The following DNM3 variants were observed in gnomAD, a reference collection of about 807,000 sequenced individuals.
DNM3 encodes the protein dynamin-3.
Under a neutral mutation model 101.6 loss-of-function variants are expected in DNM3, and 47 were observed. The observed-to-expected ratio is 0.46, with a 90% confidence interval of 0.37 to 0.59. The LOEUF is 0.59. Among genes scored for constraint, DNM3 ranks in the 20% least tolerant of loss-of-function variants. DNM3 has a pLI of 0.00. For missense variants in DNM3, 849 were observed against 1,085.7 expected, an observed-to-expected ratio of 0.78 and a Z score of 3.06; for synonymous variants, 385 against 387.9, an observed-to-expected ratio of 0.99 and a Z score of 0.09.
chr1:172,135,598 A>G (rs955536205), intron 14 of DNM3, among the ~76,000 whole-genome samples: 4 of 152,030 alleles, frequency 2.6e-5, no homozygotes, highest in Admixed American at 2.0e-4. Context: ...TAATTTCCCA[A>G]TGTTGTTTTC....
intron 2 of DNM3, among the ~76,000 whole-genome samples, chr1:171,954,168 AT>A (rs1306895741): frequency 3.3e-5 from 5 of 151,928 alleles, no homozygotes; most frequent in Non-Finnish European, 7.4e-5. Context: ...TAACTGCCAA[AT>A]TTTTTTTCTT....
chr1:171,866,836 C>T (rs923838144), intron 1 of DNM3, among the ~76,000 whole-genome samples: 3 of 152,034 alleles, frequency 2.0e-5, no homozygotes, highest in Non-Finnish European at 4.4e-5. Context: ...CATTATAATT[C>T]TCACATAGTA....
intron 2 of DNM3, among the ~76,000 whole-genome samples, chr1:171,931,994 CCCTT>C (rs1246888261): frequency 4.5e-5 from 5 of 111,992 alleles, no homozygotes; most frequent in Middle Eastern, 4.5e-3. Context: ...CTCCCTCCCT[CCCTT>C]CCTTCCTTCC....
rs183938629 is a variant in DNM3, at chr1:172,115,037, T to A, written c.1546-16138T>A. Among the ~76,000 whole-genome samples, 31 of 152,328 alleles carry A rather than the reference T, an allele frequency of 2.0e-4. 1 individual carries two copies. In the East Asian group the frequency reaches 5.8e-3, roughly 28 times the overall value. On this transcript the variant is annotated intron_variant, in intron 13 of 20. Transcript: ENST00000627582. ...AATTATCTTCATCTTCTCAAGAGAA[T>A]ATACCAAGGAAAGAAACAGATTGTT...
chr1:171,853,637 T>C (rs2033241199), intron 1 of DNM3, among the ~76,000 whole-genome samples: 1 of 152,210 alleles, frequency 6.6e-6, no homozygotes, highest in South Asian at 2.1e-4. Context: ...ATTTCTTTAT[T>C]CAAAACATCT....
intron 2 of DNM3, among the ~76,000 whole-genome samples, chr1:171,927,783 T>A (rs2040698272): frequency 6.6e-6 from 1 of 152,222 alleles, no homozygotes; most frequent in South Asian, 2.1e-4. Context: ...GGTTTTGCCA[T>A]CCTCCTGAAT....
At chr1:171,843,413 T>C (rs1395952145) in intron 1 of DNM3, among the ~76,000 whole-genome samples, 1 of 152,186 alleles carries the variant, frequency 6.6e-6, no homozygotes, top group Non-Finnish European at 1.5e-5. Context: ...ATTTACGAGA[T>C]ATAAAGTGGC....
At chr1:172,309,316 C>T (rs1000449020) in intron 16 of DNM3, 1 of 152,876 alleles carries the variant, frequency 6.5e-6, no homozygotes, top group Non-Finnish European at 1.5e-5. Flanking sequence ...TGTTTAATAT[C>T]CTCATGAGTG....
At chr1:172,340,597 T>G (rs12089193) in intron 17 of DNM3, among the ~76,000 whole-genome samples, 1,652 of 152,358 alleles carry the variant, frequency 0.011, 36 homozygotes, top group African/African-American at 0.038. Flanking sequence ...TAAATTAGAA[T>G]AAATTGTGTT....
chr1:172,098,587 A>G (rs1286155004), intron 13 of DNM3, among the ~76,000 whole-genome samples: 1 of 152,254 alleles, frequency 6.6e-6, no homozygotes, highest in Admixed American at 6.5e-5. Context: ...ATTAAAGTAA[A>G]GACAGGCAAA....
chr1:172,418,362 A>G (rs1469811994), exon 21 of DNM3: 9 of 1,276,178 alleles, frequency 7.1e-6, no homozygotes, highest in Non-Finnish European at 9.1e-6. Context: ...ATGTCTATCC[A>G]TGGTATTTAA....
intron 14 of DNM3, among the ~76,000 whole-genome samples, chr1:172,188,851 C>T (rs542896838): frequency 6.6e-6 from 1 of 152,096 alleles, no homozygotes; most frequent in East Asian, 1.9e-4. Context: ...TTGGCATTGT[C>T]AAGTTTTTTA....
intron 20 of DNM3, among the ~76,000 whole-genome samples, chr1:172,399,049 C>T (rs1180771007): frequency 1.3e-5 from 2 of 152,174 alleles, no homozygotes; most frequent in Non-Finnish European, 2.9e-5. Context: ...AATCCCATAA[C>T]TGTTAAATTC....
At chr1:172,228,362 C>T (rs906020149) in intron 14 of DNM3, among the ~76,000 whole-genome samples, 10 of 151,966 alleles carry the variant, frequency 6.6e-5, no homozygotes, top group Admixed American at 2.6e-4. Flanking sequence ...TTTGTAATGC[C>T]GCCTTTATCA....
intron 1 of DNM3, among the ~76,000 whole-genome samples, chr1:171,864,966 C>G (rs979720938): frequency 2.0e-5 from 3 of 151,940 alleles, no homozygotes; most frequent in African/African-American, 7.2e-5. Context: ...TAATTTGCCT[C>G]TTAAAATACA....
chr1:171,932,756 C>T (rs2041127890), intron 2 of DNM3, among the ~76,000 whole-genome samples: 1 of 152,146 alleles, frequency 6.6e-6, no homozygotes, highest in African/African-American at 2.4e-5. Flanking sequence ...TTTAGTTATA[C>T]AGCCATTTCA....
At chr1:171,857,849 G>C (rs1432746161) in intron 1 of DNM3, among the ~76,000 whole-genome samples, 1 of 152,032 alleles carries the variant, frequency 6.6e-6, no homozygotes, top group African/African-American at 2.4e-5. Flanking sequence ...AGATTAAAGA[G>C]GTCATAAGGG....
At chr1:172,076,786 T>G (rs907727759) in intron 11 of DNM3, among the ~76,000 whole-genome samples, 1 of 152,186 alleles carries the variant, frequency 6.6e-6, no homozygotes. Flanking sequence ...CTTTTTTGTG[T>G]GTGTCTCTGC....
At chr1:171,988,582 T>G (rs1411719226) in intron 3 of DNM3, among the ~76,000 whole-genome samples, 1 of 152,286 alleles carries the variant, frequency 6.6e-6, no homozygotes, top group East Asian at 1.9e-4. Flanking sequence ...TCTTACCCTG[T>G]GAGTTTTTAT....
Sources: allele counts gnomAD v4.1 joint callset (sites outside exome capture counted in the v4.1 genomes callset), GRCh38; gene constraint gnomAD v4.1.1; transcripts MANE v1.5; gene names NCBI Gene and HGNC (gene_info 2026-07-23, HGNC 2026-07-21).